The following CLSTN2 variants were observed in gnomAD, a reference collection of about 807,000 sequenced individuals.
CLSTN2 encodes the protein calsyntenin-2.
A neutral mutation model predicts 101.2 loss-of-function variants in CLSTN2; 48 were observed. The observed-to-expected ratio is 0.47, with a 90% confidence interval of 0.38 to 0.60. The LOEUF is 0.60. CLSTN2 is among the 20% of genes least tolerant of loss of function. The pLI is 0.00. For synonymous variants in CLSTN2, 481 were observed against 463.6 expected (o/e 1.04, Z -0.48); for missense variants, 1,160 against 1,238.2 (o/e 0.94, Z 0.95).
chr3:140,364,530 G>A (rs530690565), intron 2 of CLSTN2, among the ~76,000 whole-genome samples: 19 of 152,298 alleles, frequency 1.2e-4, no homozygotes, highest in African/African-American at 3.8e-4. Context: ...ATGCAGCAGT[G>A]AGGAGCAAGG....
chr3:140,065,346 C>CT (rs1356753951), intron 1 of CLSTN2, among the ~76,000 whole-genome samples: 2 of 152,212 alleles, frequency 1.3e-5, no homozygotes, highest in Non-Finnish European at 2.9e-5. Context: ...TCACAGTCAT[C>CT]TAGGGAGCCC....
At chr3:140,493,584 C>T (rs1261892918) in intron 8 of CLSTN2, among the ~76,000 whole-genome samples, 2 of 152,190 alleles carry the variant, frequency 1.3e-5, no homozygotes, top group African/African-American at 4.8e-5. Flanking sequence ...CCAAGAAATA[C>T]TTGGCAAAGC....
chr3:140,337,822 T>C (rs1371982481), intron 2 of CLSTN2, among the ~76,000 whole-genome samples: 1 of 152,236 alleles, frequency 6.6e-6, no homozygotes, highest in Non-Finnish European at 1.5e-5. Flanking sequence ...AGTCTTTGGA[T>C]ACTAATTGAG....
intron 1 of CLSTN2, among the ~76,000 whole-genome samples, chr3:140,062,644 C>T (rs1346316042): frequency 2.0e-5 from 3 of 152,212 alleles, no homozygotes; most frequent in Non-Finnish European, 2.9e-5. Context: ...GAGCCAAAGT[C>T]CCTCTCCCAG....
intron 8 of CLSTN2, among the ~76,000 whole-genome samples, chr3:140,495,218 G>T (rs779064347): frequency 6.6e-6 from 1 of 152,170 alleles, no homozygotes; most frequent in African/African-American, 2.4e-5. Context: ...TGACCAATCA[G>T]TGATGTTGAG....
chr3:140,300,600 C>G (rs1006356538), intron 2 of CLSTN2, among the ~76,000 whole-genome samples: 1 of 152,068 alleles, frequency 6.6e-6, no homozygotes, highest in Non-Finnish European at 1.5e-5. Flanking sequence ...CCAGATGTGC[C>G]TTGAATGTAG....
chr3:140,281,995 C>T (rs2086852055), intron 2 of CLSTN2, among the ~76,000 whole-genome samples: 1 of 152,070 alleles, frequency 6.6e-6, no homozygotes, highest in Admixed American at 6.6e-5. Flanking sequence ...GTAATAGTGA[C>T]ATTATTTGGG....
Position 140,045,585 on chromosome 3 carries a change from C to G in CLSTN2, c.109+110102C>G, listed in dbSNP as rs1038358145. Among the ~76,000 whole-genome samples the G allele has an allele frequency of 5.9e-5, 9 of 152,106 alleles. No homozygotes were observed. In the East Asian group the frequency reaches 1.7e-3, roughly 29 times the overall value. ...CTTTTGAATGCGTTTGCTCTTGCTT[C>G]TCTAGTTCTTTTGATTGCGATGTTA... On this transcript the variant is annotated intron_variant, in intron 1 of 16. Transcript: ENST00000458420.
intron 2 of CLSTN2, among the ~76,000 whole-genome samples, chr3:140,383,073 C>G (rs2088004136): frequency 6.6e-6 from 1 of 152,108 alleles, no homozygotes; most frequent in African/African-American, 2.4e-5. Flanking sequence ...TGCATAAACT[C>G]TAAGCATTCA....
intron 2 of CLSTN2, among the ~76,000 whole-genome samples, chr3:140,334,499 G>A (rs751507667): frequency 1.3e-5 from 2 of 152,206 alleles, no homozygotes; most frequent in Non-Finnish European, 2.9e-5. Flanking sequence ...CTAAAGAACT[G>A]CTCTGTGCCA....
chr3:140,245,710 G>C (rs757798824), intron 2 of CLSTN2, among the ~76,000 whole-genome samples: 14 of 152,126 alleles, frequency 9.2e-5, no homozygotes, highest in Non-Finnish European at 4.4e-5. Flanking sequence ...GAATGTCCTA[G>C]ATCACAATAA....
At chr3:140,068,093 A>G (rs2008329193) in intron 1 of CLSTN2, among the ~76,000 whole-genome samples, 1 of 152,202 alleles carries the variant, frequency 6.6e-6, no homozygotes, top group African/African-American at 2.4e-5. Context: ...ATGGTTTAAA[A>G]GGCAGCAAAG....
At chr3:140,425,686 A>G (rs1038793201) in intron 5 of CLSTN2, among the ~76,000 whole-genome samples, 17 of 152,316 alleles carry the variant, frequency 1.1e-4, no homozygotes, top group African/African-American at 3.8e-4. Context: ...TTTAGCTTAC[A>G]GCGAGGGGAG....
chr3:140,572,913 C>T lies in CLSTN2; in HGVS notation c.*6660C>T, dbSNP rs985302920. On this transcript the variant is annotated 3_prime_UTR_variant, in exon 17 of 17. Coordinates refer to ENST00000458420, the MANE Select transcript of CLSTN2 (RefSeq NM_022131.3). ...CCTTTTTGGCTCCAGTTTATACTCACTGAAGCAGTGGTTTCAAGGAACCTT... is the reference window on the plus strand; with the variant it reads ...CCTTTTTGGCTCCAGTTTATACTCATTGAAGCAGTGGTTTCAAGGAACCTT... The T allele has an allele frequency of 1.3e-5, 2 of 152,378 alleles. No homozygotes were observed. Among genetic ancestry groups the T allele is most frequent in the African/African-American group, 4.8e-5 (2 of 41,484 alleles). 9.4% of individuals were successfully genotyped at this position (152,378 alleles called of 1,614,324 possible).
At chr3:140,073,044 C>T (rs1005888104) in intron 1 of CLSTN2, among the ~76,000 whole-genome samples, 20 of 152,156 alleles carry the variant, frequency 1.3e-4, no homozygotes, top group African/African-American at 4.1e-4. Flanking sequence ...TAATTTGCAG[C>T]GACTGTCCTG....
chr3:140,533,697 C>T (rs1392803344), intron 9 of CLSTN2, among the ~76,000 whole-genome samples: 5 of 129,154 alleles, frequency 3.9e-5, no homozygotes, highest in African/African-American at 9.6e-5. Context: ...GGCAATGGAA[C>T]GAGACTCCAT....
intron 1 of CLSTN2, among the ~76,000 whole-genome samples, chr3:140,037,394 G>A (rs1363315253): frequency 6.6e-6 from 1 of 151,882 alleles, no homozygotes; most frequent in Non-Finnish European, 1.5e-5. Context: ...ACATAATCAA[G>A]AGGCTGTATG....
chr3:140,564,095 G>C lies in CLSTN2; in HGVS notation c.2617G>C (p.Glu873Gln). The change falls in exon 16 of 17, where the codon GAG (glutamate) becomes CAG (glutamine). Residue 873 changes from glutamate to glutamine, a missense_variant. Glu to Gln is a conservative substitution (Grantham distance 29). Coordinates refer to ENST00000458420, the MANE Select transcript of CLSTN2 (RefSeq NM_022131.3). The stretch of plus-strand genomic sequence containing the variant: ...GGAGACTGAGGCTGCCAAGGAATCT[G>C]AGATGGACTGGGACGATTCTGCGCT... The part of the protein sequence containing the change: ...IQETEAAKES[E>Q]MDWDDSALTI... 6.2e-7 allele frequency: 1 copy of C among 1,614,164 alleles called. No individual in the cohort carries two copies.
chr3:140,042,520 CT>C (rs1320911708), intron 1 of CLSTN2, among the ~76,000 whole-genome samples: 2 of 151,936 alleles, frequency 1.3e-5, no homozygotes, highest in East Asian at 3.8e-4. Context: ...GCTGTAGTTT[CT>C]TTTATTATTA....
Sources: gnomAD v4.1 joint callset for allele counts (sites outside exome capture counted in the v4.1 genomes callset) on GRCh38, gnomAD v4.1.1 for gene constraint, MANE v1.5 for transcripts, NCBI Gene and HGNC (gene_info 2026-07-23, HGNC 2026-07-21) for gene names.